The following BCAS3 variants were observed in gnomAD, a reference collection of about 807,000 sequenced individuals.
BCAS3 encodes BCAS4/BCAS3 fusion.
A neutral mutation model predicts 116.1 loss-of-function variants in BCAS3; 53 were observed. That is an observed-to-expected ratio of 0.46 (90% CI 0.37 to 0.57). The LOEUF is 0.57. BCAS3 is among the 20% of genes least tolerant of loss of function. The pLI is 0.00. For missense variants in BCAS3, 917 were observed against 1,165.4 expected (o/e 0.79, Z 3.10); for synonymous variants, 391 against 408.2 (o/e 0.96, Z 0.51).
At chr17:60,787,254 C>T (rs1194425173) in intron 6 of BCAS3, among the ~76,000 whole-genome samples, 2 of 152,156 alleles carry the variant, frequency 1.3e-5, no homozygotes, top group African/African-American at 4.8e-5. Context: ...GTAAAGATAG[C>T]ATTTCTGTCA....
Position 61,332,144 on chromosome 17 carries a change from A to C in BCAS3, c.2426-36183A>C, listed in dbSNP as rs959187196. ...GCCCGCCGGGCTCTGGAGCTGGGCC[A>C]CGGGCTCCTCTCTCTGGAAAGGCTC... is the stretch of plus-strand genomic sequence containing the variant. On this transcript the variant is annotated intron_variant, in intron 22 of 23. Coordinates refer to ENST00000407086, the MANE Select transcript of BCAS3 (RefSeq NM_017679.5). This position sits in a 1 kb window ranked among gnomAD's most constrained non-coding sequence, Gnocchi z 5.4. Among the ~76,000 whole-genome samples the C allele has an allele frequency of 1.3e-5, 2 of 152,170 alleles. No individual in the cohort carries two copies. Among genetic ancestry groups the C allele is most frequent in the Non-Finnish European group, 1.5e-5 (1 of 68,032 alleles).
At chr17:61,373,807 T>C (rs868724441) in intron 23 of BCAS3, among the ~76,000 whole-genome samples, 9 of 118,040 alleles carry the variant, frequency 7.6e-5, no homozygotes, top group East Asian at 2.4e-4. Flanking sequence ...TCTTCTTCTT[T>C]GTTTTTTTTT....
intron 13 of BCAS3, among the ~76,000 whole-genome samples, chr17:60,943,839 T>TA (rs2060346158): frequency 6.6e-6 from 1 of 152,140 alleles, no homozygotes; most frequent in South Asian, 2.1e-4. Flanking sequence ...ATCTGAAAGA[T>TA]ATCTGGAAAA....
chr17:60,715,132 C>CTT (rs200488032), intron 5 of BCAS3, among the ~76,000 whole-genome samples: 64 of 125,362 alleles, frequency 5.1e-4, no homozygotes, highest in South Asian at 9.7e-4. Context: ...CTTTCTCTTT[C>CTT]TTTTTTTTTT....
intron 16 of BCAS3, among the ~76,000 whole-genome samples, chr17:61,031,765 C>T (rs2066657113): frequency 6.6e-6 from 1 of 151,992 alleles, no homozygotes; most frequent in East Asian, 1.9e-4. Context: ...CCTTAATAAA[C>T]ACAGACTTTT....
Position 61,045,865 on chromosome 17 carries a change from A to AAAATATATATAAATATATATTATATATAT in BCAS3, c.2029+4975_2029+4976insATATATATAAATATATATTATATATATAA, listed in dbSNP as rs2068038809. Among the ~76,000 whole-genome samples the AAAATATATATAAATATATATTATATATAT allele has an allele frequency of 2.3e-3, 9 of 3,962 alleles. 2 individuals carry two copies. The South Asian group carries it at 0.057, about 25-fold the overall frequency. 2.6% of individuals were successfully genotyped at this position (3,962 alleles called of 152,430 possible). On this transcript the variant is annotated intron_variant, in intron 19 of 23. Transcript: ENST00000407086. ...TCTCTCTCTCTATATATATATATATAAATATATATAAATATATATTATATA... is the reference window on the plus strand; with the variant it reads ...TCTCTCTCTCTATATATATATATATAAAATATATATAAATATATATTATATATATAATATATATAAATATATATTATATA...
At chr17:60,739,087 A>G (rs1333747842) in intron 5 of BCAS3, among the ~76,000 whole-genome samples, 2 of 152,106 alleles carry the variant, frequency 1.3e-5, no homozygotes, top group African/African-American at 4.8e-5. Flanking sequence ...TTTATAACCA[A>G]TGCATGCCCA....
chr17:61,299,459 A>G (rs1308750134), intron 22 of BCAS3, among the ~76,000 whole-genome samples: 4 of 148,454 alleles, frequency 2.7e-5, no homozygotes, highest in Admixed American at 6.7e-5. Flanking sequence ...AAAAAAAAAA[A>G]AAAAAAAGAA....
rs571972416 is a variant in BCAS3 at position 61,144,737 on chromosome 17, T to C, written c.2425+60173T>C. On this transcript the variant is annotated intron_variant, in intron 22 of 23. Transcript: ENST00000407086. This position sits in a 1 kb window ranked among gnomAD's most constrained non-coding sequence, Gnocchi z 5.0. ...ATTTTCTGGACTTCTTCAAGTCAGC[T>C]CTCAGAATTGTTTTTACGGGTTGCT... 2.0e-5 allele frequency among the ~76,000 whole-genome samples: 3 copies of C among 152,378 alleles called. No homozygotes were observed. Among genetic ancestry groups the C allele is most frequent in the Admixed American group, 1.3e-4 (2 of 15,306 alleles).
intron 7 of BCAS3, among the ~76,000 whole-genome samples, chr17:60,842,007 G>C (rs2051984476): frequency 6.6e-6 from 1 of 151,928 alleles, no homozygotes; most frequent in South Asian, 2.1e-4. Flanking sequence ...GAGTTATAAG[G>C]GATATATGGA....
intron 23 of BCAS3, among the ~76,000 whole-genome samples, chr17:61,375,995 G>A (rs1286494905): frequency 1.3e-5 from 2 of 151,970 alleles, no homozygotes; most frequent in Non-Finnish European, 2.9e-5. Flanking sequence ...TTCAGAAGAT[G>A]TGGTGGTGGT....
intron 7 of BCAS3, among the ~76,000 whole-genome samples, chr17:60,819,500 G>A (rs1222103716): frequency 6.6e-6 from 1 of 152,204 alleles, no homozygotes; most frequent in African/African-American, 2.4e-5. Flanking sequence ...ATCTCAAATG[G>A]TTTACCAAAA....
chr17:61,300,862 A>T lies in BCAS3; in HGVS notation c.2426-67465A>T, dbSNP rs1300542452. On this transcript the variant is annotated intron_variant, in intron 22 of 23. Coordinates refer to ENST00000407086, the MANE Select transcript of BCAS3 (RefSeq NM_017679.5). The surrounding 1 kb of genome is among the most constrained non-coding windows in gnomAD (Gnocchi z 5.1). The stretch of plus-strand genomic sequence containing the variant: ...TCTGCCCAGGAATCATTTGTAGGCA[A>T]ACACATATATTTGTGACAGGACATC... Among the ~76,000 whole-genome samples the T allele has an allele frequency of 6.6e-6, 1 of 152,162 alleles. No individual in the cohort carries two copies. Among genetic ancestry groups the T allele is most frequent in the Non-Finnish European group, 1.5e-5 (1 of 68,030 alleles).
chr17:61,030,090 A>T (rs893362881), intron 16 of BCAS3, among the ~76,000 whole-genome samples: 4 of 152,164 alleles, frequency 2.6e-5, no homozygotes, highest in African/African-American at 9.6e-5. Context: ...CTAAAAGAAT[A>T]TAAAGAATAT....
rs559710973 is a variant in BCAS3, at chr17:61,130,521, C to T, written c.2425+45957C>T. On this transcript the variant is annotated intron_variant, in intron 22 of 23. Coordinates refer to ENST00000407086, the MANE Select transcript of BCAS3 (RefSeq NM_017679.5). This position sits in a 1 kb window ranked among gnomAD's most constrained non-coding sequence, Gnocchi z 5.0. ...CTGCCACCTCCCCCAGTTTATGTTA[C>T]GTAATATGGTGAGAATCTTCTTCCT... Among the ~76,000 whole-genome samples, 27 of 152,254 alleles carry T rather than the reference C, an allele frequency of 1.8e-4. No homozygotes were observed. The highest frequency in any genetic ancestry group is 2.2e-4 in the African/African-American group (9 of 41,550).
At chr17:61,277,392 T>G (rs1336218627) in intron 22 of BCAS3, among the ~76,000 whole-genome samples, 3 of 151,304 alleles carry the variant, frequency 2.0e-5, no homozygotes, top group African/African-American at 7.3e-5. Context: ...GCTATAAAAC[T>G]CTTAGAAGAA....
Position 61,316,221 on chromosome 17 carries a change from A to G in BCAS3, c.2426-52106A>G, listed in dbSNP as rs1191706171. Among the ~76,000 whole-genome samples, 6 of 152,008 alleles carry G rather than the reference A, an allele frequency of 3.9e-5. No homozygotes were observed. Among genetic ancestry groups the G allele is most frequent in the Non-Finnish European group, 8.8e-5 (6 of 67,994 alleles). On this transcript the variant is annotated intron_variant, in intron 22 of 23. Coordinates refer to ENST00000407086, the MANE Select transcript of BCAS3 (RefSeq NM_017679.5). This position sits in a 1 kb window ranked among gnomAD's most constrained non-coding sequence, Gnocchi z 5.8. Reference sequence around the variant, plus strand: ...CTCAGGAGGCTGTGGCAGGAGAATCACCTGAGTCCAGGAGGTGGAGGCTGC... The same window carrying G: ...CTCAGGAGGCTGTGGCAGGAGAATCGCCTGAGTCCAGGAGGTGGAGGCTGC...
intron 18 of BCAS3, among the ~76,000 whole-genome samples, chr17:61,038,633 ACTT>A (rs1317725419): frequency 7.2e-6 from 1 of 138,038 alleles, no homozygotes; most frequent in African/African-American, 3.1e-5. Flanking sequence ...AACAAACAAT[ACTT>A]CATTCCTTTT....
Position 61,087,332 on chromosome 17 carries a change from T to C in BCAS3, c.2425+2768T>C. The C allele has an allele frequency of 2.1e-6, 1 of 487,514 alleles. No individual in the cohort carries two copies. The allele number at this position is 487,514 out of a possible 1,614,324, so 30.2% of individuals were successfully genotyped here. A position where few individuals can be genotyped will look rare whatever the true frequency, so the allele number is the denominator to read the frequency against. The stretch of plus-strand genomic sequence containing the variant: ...CATGGATTATCTTCTTAATTATTCC[T>C]ATGGCACATGTTACACCTAACCCTC... On this transcript the variant is annotated intron_variant, in intron 22 of 23. Coordinates refer to ENST00000407086, the MANE Select transcript of BCAS3 (RefSeq NM_017679.5). This position sits in a 1 kb window ranked among gnomAD's most constrained non-coding sequence, Gnocchi z 4.6.
Sources: gnomAD v4.1 joint callset for allele counts (sites outside exome capture counted in the v4.1 genomes callset) on GRCh38, gnomAD v4.1.1 for gene constraint, Gnocchi (gnomAD v3.1) non-coding constraint, MANE v1.5 for transcripts, NCBI Gene and HGNC (gene_info 2026-07-23, HGNC 2026-07-21) for gene names.